Variants in ALDH4A1 observed in about 807,000 individuals in gnomAD.
ALDH4A1 encodes the protein delta-1-pyrroline-5-carboxylate dehydrogenase, mitochondrial.
In ALDH4A1, 46 loss-of-function variants were observed where a neutral mutation model predicts 70.5. That is an observed-to-expected ratio of 0.65 (90% CI 0.51 to 0.83). The LOEUF (loss-of-function observed/expected upper bound fraction) is 0.83, where lower values mean the gene tolerates loss of function less well. ALDH4A1 is among the 40% of genes least tolerant of loss of function. ALDH4A1 has a pLI of 0.00. For missense variants in ALDH4A1, 749 were observed against 766.5 expected, an observed-to-expected ratio of 0.98 and a Z score of 0.27; for synonymous variants, 323 against 324.3, an observed-to-expected ratio of 1.00 and a Z score of 0.04.
In ALDH4A1 at chr1:18,877,204, G is replaced by T. The variant is rs746106042; in HGVS notation, c.1185+4C>A. ...CCCAGGAACGCCCACTTCCCACCCCGTACCTTGGCATCAATCACTGCAGAG... is the reference window on the plus strand; with the variant it reads ...CCCAGGAACGCCCACTTCCCACCCCTTACCTTGGCATCAATCACTGCAGAG... On this transcript the variant is annotated splice_donor_region_variant and intron_variant, in intron 11 of 14. Transcript: ENST00000375341. 7.5e-6 allele frequency: 12 copies of T among 1,607,700 alleles called. No individual in the cohort carries two copies. The South Asian group carries it at 1.3e-4, about 18-fold the overall frequency.
chr1:18,897,996 C>T (rs1449339282), intron 1 of ALDH4A1, among the ~76,000 whole-genome samples: 1 of 152,098 alleles, frequency 6.6e-6, no homozygotes, highest in Non-Finnish European at 1.5e-5. Flanking sequence ...AAGTCTTTTC[C>T]ATCCCCTGAG....
At position 18,888,118 on chromosome 1, in the gene ALDH4A1, C is replaced by A. The variant is rs150012946; in HGVS notation, c.249+1244G>T. 2.9e-3 allele frequency among the ~76,000 whole-genome samples: 442 copies of A among 152,348 alleles called. 12 individuals are homozygous for A. Among genetic ancestry groups the A allele is most frequent in the East Asian group, 0.029 (149 of 5,186 alleles). On this transcript the variant is annotated intron_variant, in intron 3 of 14. Transcript: ENST00000375341. Reference sequence around the variant, plus strand: ...TCACATGCTCAACAACCACACGTGGCGGCTCATGGCCGCTGGAACGGACAA... The same window carrying A: ...TCACATGCTCAACAACCACACGTGGAGGCTCATGGCCGCTGGAACGGACAA...
intron 1 of ALDH4A1, 22 bp downstream of exon 1, chr1:18,902,440 C>T (rs1266387886): frequency 7.5e-7 from 1 of 1,337,844 alleles, no homozygotes; most frequent in Non-Finnish European, 9.6e-7. Flanking sequence ...CTCGGGCCGC[C>T]CCGGGCCCCG....
chr1:18,885,427 T>TACCAACCCCCCCCCCCCCC, intron 5 of ALDH4A1, 46 bp downstream of exon 5: 1 of 650,922 alleles, frequency 1.5e-6, no homozygotes, highest in Non-Finnish European at 2.7e-6. Context: ...CACACCTGAC[T>TACCAACCCCCCCCCCCCCC]CCCACCCCAC....
chr1:18,874,231 C>A (rs1035254660), intron 14 of ALDH4A1, among the ~76,000 whole-genome samples: 1 of 152,232 alleles, frequency 6.6e-6, no homozygotes, highest in Non-Finnish European at 1.5e-5. Flanking sequence ...AAATTACAAT[C>A]CCACCAGGGT....
rs1934909589 is a variant in ALDH4A1, at chr1:18,880,130, C to T, written c.867-757G>A. ...CAGAGCAGGCCTTTTGGAAAACGGC[C>T]CTTCTCAGCAGTTCTAACGCTGCCA... On this transcript the variant is annotated intron_variant, in intron 8 of 14. Transcript: ENST00000375341. The surrounding 1 kb of genome is among the most constrained non-coding windows in gnomAD (Gnocchi z 5.1). 6.6e-6 allele frequency among the ~76,000 whole-genome samples: 1 copy of T among 152,136 alleles called. No individual in the cohort carries two copies. Among genetic ancestry groups the T allele is most frequent in the Non-Finnish European group, 1.5e-5 (1 of 68,006 alleles).
At chr1:18,883,735 T>G (rs763911396) in intron 5 of ALDH4A1, among the ~76,000 whole-genome samples, 21 of 152,196 alleles carry the variant, frequency 1.4e-4, no homozygotes, top group Admixed American at 7.2e-4. Context: ...TGAATGGTGG[T>G]GCATGGCAAA....
At chr1:18,873,086 G>T in intron 14 of ALDH4A1, 129 bp from the exon 15 acceptor site, 1 of 794,166 alleles carries the variant, frequency 1.3e-6, no homozygotes, top group Non-Finnish European at 2.1e-6. Flanking sequence ...GCCAAGCTTG[G>T]GGCATGCAGA....
Position 18,872,567 on chromosome 1 carries a change from A to C in ALDH4A1, c.*278T>G, listed in dbSNP as rs1934485051. Reference sequence around the variant, plus strand: ...CCCAGGTCCCTGAGCCACTGGGCCCAGTGGAGGGCAGAGGGAGAACCTGCC... The same window carrying C: ...CCCAGGTCCCTGAGCCACTGGGCCCCGTGGAGGGCAGAGGGAGAACCTGCC... On this transcript the variant is annotated 3_prime_UTR_variant, in exon 15 of 15. Transcript: ENST00000375341. The C allele has an allele frequency of 3.0e-6, 1 of 330,560 alleles. No homozygotes were observed. The highest frequency in any genetic ancestry group is 2.1e-5 in the African/African-American group (1 of 47,934). The allele number at this position is 330,560 out of a possible 1,614,324, so 20.5% of individuals were successfully genotyped here.
chr1:18,882,098 C>G (rs1227550565), intron 7 of ALDH4A1, among the ~76,000 whole-genome samples: 1 of 152,238 alleles, frequency 6.6e-6, no homozygotes, highest in African/African-American at 2.4e-5. Context: ...GCCCAATCTG[C>G]CCCACGCTCT....
In ALDH4A1 at chr1:18,893,188, C is replaced by T. The variant is rs537606103; in HGVS notation, c.63-3083G>A. ...CACAGGCCCCAGAAGTGGACAAATC[C>T]GGAGGCAAAGCTCACACCTGCTCCA... is the stretch of plus-strand genomic sequence containing the variant. On this transcript the variant is annotated intron_variant, in intron 1 of 14. Transcript: ENST00000375341. 6.6e-5 allele frequency among the ~76,000 whole-genome samples: 10 copies of T among 152,326 alleles called. No individual in the cohort carries two copies. The East Asian group carries it at 7.7e-4, about 12-fold the overall frequency.
chr1:18,889,204 G>C (rs1935336976), intron 3 of ALDH4A1, among the ~76,000 whole-genome samples, 158 bp downstream of exon 3: 1 of 152,162 alleles, frequency 6.6e-6, no homozygotes, highest in African/African-American at 2.4e-5. Flanking sequence ...CTTTGCTTTG[G>C]GAGTTTTACT....
chr1:18,892,572 G>T (rs930969431), intron 1 of ALDH4A1, among the ~76,000 whole-genome samples: 3 of 151,584 alleles, frequency 2.0e-5, no homozygotes, highest in Non-Finnish European at 2.9e-5. Context: ...GGGGGGCTGA[G>T]AGGGGCCTGC....
intron 14 of ALDH4A1, among the ~76,000 whole-genome samples, chr1:18,873,933 G>A (rs7517650): frequency 0.19 from 28,792 of 152,170 alleles, 3,284 homozygotes; most frequent in Middle Eastern, 0.27. Flanking sequence ...AAGTTGGGGG[G>A]TCAGTCTTAC....
intron 1 of ALDH4A1, 37 bp downstream of exon 1, chr1:18,902,425 G>T: frequency 7.6e-7 from 1 of 1,308,418 alleles, no homozygotes; most frequent in Non-Finnish European, 9.7e-7. Context: ...GGCCCCAGGC[G>T]CGCGCTCGGG....
chr1:18,876,459 G>T lies in ALDH4A1; in HGVS notation c.1194C>A (p.Ala398=). 1.3e-6 allele frequency: 2 copies of T among 1,596,370 alleles called. No individual in the cohort carries two copies. The highest frequency in any genetic ancestry group is 2.3e-5 in the East Asian group (1 of 44,226). ...CGTGCTCCAGCCACTTCTTGATACGGGCAAAGGACTGGGGTGGGCAGGGAG... is the reference window on the plus strand; with the variant it reads ...CGTGCTCCAGCCACTTCTTGATACGTGCAAAGGACTGGGGTGGGCAGGGAG... ...FSAVIDAKSF[A]RIKKWLEHAR... Residue 398 remains alanine, a synonymous_variant, in exon 12 of 15, where the codon GCC becomes GCA. Transcript: ENST00000375341.
intron 12 of ALDH4A1, among the ~76,000 whole-genome samples, 183 bp from the exon 13 acceptor site, chr1:18,875,686 C>T (rs1290791407): frequency 1.3e-5 from 2 of 152,140 alleles, no homozygotes; most frequent in African/African-American, 2.4e-5. Flanking sequence ...AGCAACGTGC[C>T]CAGCTCCCTG....
At chr1:18,878,777 T>G (rs1934839472) in intron 9 of ALDH4A1, among the ~76,000 whole-genome samples, 1 of 152,162 alleles carries the variant, frequency 6.6e-6, no homozygotes, top group African/African-American at 2.4e-5. Context: ...ATGCCAAATT[T>G]CCTTGACCAT....
Position 18,902,466 on chromosome 1 carries a change from C to A in ALDH4A1, c.58G>T (p.Ala20Ser). The A allele has an allele frequency of 1.4e-6, 2 of 1,401,342 alleles. No individual in the cohort carries two copies. The highest frequency in any genetic ancestry group is 1.5e-5 in the South Asian group (1 of 66,300). 86.8% of individuals were successfully genotyped at this position (1,401,342 alleles called of 1,614,324 possible). Residue 20 changes from alanine to serine, a missense_variant, in exon 1 of 15, where the codon GCC becomes TCC. Physicochemically the swap from Ala to Ser is moderately conservative, Grantham distance 99. Coordinates refer to ENST00000375341, the MANE Select transcript of ALDH4A1 (RefSeq NM_003748.4). ...CCGGGCCCCGTGCTCACTCACCCGG[C>A]CCCGGTCCAGGGGCGGGACAGCAGG... ...RALLSRPWTG[A>S]GLRWKHTSSL... is the part of the protein sequence containing the mutation.
Sources: gnomAD v4.1 joint callset for allele counts (sites outside exome capture counted in the v4.1 genomes callset) on GRCh38, gnomAD v4.1.1 for gene constraint, Gnocchi (gnomAD v3.1) non-coding constraint, MANE v1.5 for transcripts, NCBI Gene and HGNC (gene_info 2026-07-23, HGNC 2026-07-21) for gene names.